CFAP210: variants seen among roughly 807,000 people sequenced by gnomAD.
CFAP210 encodes cilia- and flagella- associated protein 210.
chr2:169,654,182 A>G, the CFAP210 span: 2 of 1,592,592 alleles, frequency 1.3e-6, no homozygotes, highest in Non-Finnish European at 1.7e-6. Flanking sequence ...GCTGTTCTAC[A>G]GCTTTGATAA....
At chr2:169,650,562 CAT>C in the CFAP210 span, 1 of 1,411,744 alleles carries the variant, frequency 7.1e-7, no homozygotes, top group Non-Finnish European at 9.3e-7. Flanking sequence ...TTCATGAACA[CAT>C]GTCCAATGGA....
At chr2:169,647,284 A>T in the CFAP210 span, among the ~76,000 whole-genome samples, 6 of 152,160 alleles carry the variant, frequency 3.9e-5, no homozygotes, top group African/African-American at 1.4e-4. Context: ...TAGTAAATGT[A>T]GAAAAATATT....
At chr2:169,691,204 G>T in the CFAP210 span, among the ~76,000 whole-genome samples, 1 of 151,920 alleles carries the variant, frequency 6.6e-6, no homozygotes, top group African/African-American at 2.4e-5. Context: ...GATCCCTCTA[G>T]TTAATTTTTT....
the CFAP210 span, among the ~76,000 whole-genome samples, chr2:169,692,280 A>G: frequency 6.6e-6 from 1 of 152,294 alleles, no homozygotes; most frequent in South Asian, 2.1e-4. Context: ...AGAATACCTG[A>G]GACTCGGTAA....
the CFAP210 span, chr2:169,646,156 T>C: frequency 6.2e-7 from 1 of 1,611,988 alleles, no homozygotes; most frequent in Non-Finnish European, 8.5e-7. Context: ...CTTGTTTTGC[T>C]TGCTTTGCAT....
At chr2:169,678,993 C>A in the CFAP210 span, among the ~76,000 whole-genome samples, 244 of 151,974 alleles carry the variant, frequency 1.6e-3, no homozygotes, top group African/African-American at 5.6e-3. Flanking sequence ...ATAAATAGAG[C>A]AATAAAACAG....
At chr2:169,666,234 C>T in the CFAP210 span, among the ~76,000 whole-genome samples, 1 of 151,956 alleles carries the variant, frequency 6.6e-6, no homozygotes, top group South Asian at 2.1e-4. Flanking sequence ...CCTAACTCTT[C>T]TCTAATCCTT....
chr2:169,677,677 C>T, the CFAP210 span, among the ~76,000 whole-genome samples: 4 of 152,296 alleles, frequency 2.6e-5, no homozygotes, highest in East Asian at 7.7e-4. Context: ...TATCTACCTT[C>T]ACTACATTTA....
At chr2:169,655,459 G>C in the CFAP210 span, among the ~76,000 whole-genome samples, 6 of 152,120 alleles carry the variant, frequency 3.9e-5, no homozygotes, top group African/African-American at 1.4e-4. Flanking sequence ...AATCTGGATA[G>C]GAAATATATT....
chr2:169,681,255 T>C, the CFAP210 span: 1 of 1,528,744 alleles, frequency 6.5e-7, no homozygotes, highest in South Asian at 1.2e-5. Context: ...TAAAAAATGA[T>C]TATTAAAGAC....
the CFAP210 span, among the ~76,000 whole-genome samples, chr2:169,673,127 CTG>C: frequency 2.4e-3 from 368 of 152,322 alleles, no homozygotes; most frequent in African/African-American, 8.5e-3. Flanking sequence ...ATTTCCGAGA[CTG>C]CACTGAAGAT....
chr2:169,650,734 CTGTGTGTGTGTGTGTG>C, the CFAP210 span, among the ~76,000 whole-genome samples: 8 of 147,106 alleles, frequency 5.4e-5, no homozygotes, highest in African/African-American at 1.0e-4. Context: ...TATGTATAAT[CTGTGTGTGTGTGTGTG>C]TGTGTGTGTG....
the CFAP210 span, among the ~76,000 whole-genome samples, chr2:169,670,253 A>T: frequency 6.6e-6 from 1 of 152,046 alleles, no homozygotes; most frequent in Middle Eastern, 3.4e-3. Flanking sequence ...CCTGGTCAAA[A>T]TCCCTCTATT....
the CFAP210 span, among the ~76,000 whole-genome samples, chr2:169,667,198 G>A: frequency 6.7e-6 from 1 of 149,762 alleles, no homozygotes; most frequent in African/African-American, 2.5e-5. Flanking sequence ...GAGTGCAATG[G>A]CGCAATCTCG....
At chr2:169,647,700 C>A in the CFAP210 span, among the ~76,000 whole-genome samples, 1 of 152,020 alleles carries the variant, frequency 6.6e-6, no homozygotes, top group African/African-American at 2.4e-5. Context: ...TATTTTGGCA[C>A]CTGGCCAAAA....
the CFAP210 span, among the ~76,000 whole-genome samples, chr2:169,678,428 A>G: frequency 2.0e-5 from 3 of 152,140 alleles, no homozygotes; most frequent in Non-Finnish European, 4.4e-5. Context: ...CAGAAGATTC[A>G]ATATTGTCAT....
chr2:169,690,585 C>T, the CFAP210 span, among the ~76,000 whole-genome samples: 4 of 151,396 alleles, frequency 2.6e-5, no homozygotes, highest in Non-Finnish European at 4.4e-5. Context: ...ATCACTTGAA[C>T]CTGGGAGGCA....
the CFAP210 span, chr2:169,694,196 G>T: frequency 6.6e-7 from 1 of 1,506,438 alleles, no homozygotes; most frequent in Non-Finnish European, 9.2e-7. Context: ...CGGCATCCTC[G>T]CCTCTCACTC....
chr2:169,677,816 T>C, the CFAP210 span, among the ~76,000 whole-genome samples: 1 of 152,170 alleles, frequency 6.6e-6, no homozygotes, highest in East Asian at 1.9e-4. Context: ...GTAGGAAATC[T>C]GATGGAATCT....
Sources: allele counts gnomAD v4.1 joint callset (sites outside exome capture counted in the v4.1 genomes callset), GRCh38; gene constraint gnomAD v4.1.1; transcripts MANE v1.5; gene names NCBI Gene and HGNC (gene_info 2026-07-23, HGNC 2026-07-21).